The following SIPA1L3 variants were observed in gnomAD, a reference collection of about 807,000 sequenced individuals.
SIPA1L3 encodes signal induced proliferation associated 1 like 3.
Under a neutral mutation model 150.1 loss-of-function variants are expected in SIPA1L3, and 59 were observed. The ratio of observed to expected loss-of-function variants is 0.39; its 90% CI spans 0.32 to 0.49. The LOEUF (loss-of-function observed/expected upper bound fraction) is 0.49, where lower values mean the gene tolerates loss of function less well. Ranked by LOEUF, SIPA1L3 falls within the 20% of genes least tolerant of loss-of-function variation. The pLI is 0.86. For missense variants in SIPA1L3, 2,211 were observed against 2,489.5 expected (o/e 0.89, Z 2.38); for synonymous variants, 1,070 against 1,077.6 (o/e 0.99, Z 0.14).
chr19:38,151,753 A>G (rs1600140457), intron 12 of SIPA1L3, among the ~76,000 whole-genome samples: 1 of 152,118 alleles, frequency 6.6e-6, no homozygotes, highest in African/African-American at 2.4e-5. Flanking sequence ...GCTTGGGCCC[A>G]GGAGTTCAAG....
At position 38,082,109 on chromosome 19, in the gene SIPA1L3, G is replaced by A. The variant is rs754475504; in HGVS notation, c.544G>A (p.Glu182Lys). ...GATCACCCTCAGCGAGTGTGACGCG[G>A]AGGACGCGGGGGAGCCGCGGGGGGC... ...SEITLSECDA[E>K]DAGEPRGARH... Residue 182 changes from glutamate (E) to lysine (K), a missense_variant, in exon 3 of 22, where the codon GAG becomes AAG. Physicochemically the swap from Glu to Lys is moderately conservative, Grantham distance 56 (BLOSUM62 1). Coordinates refer to ENST00000222345, the MANE Select transcript of SIPA1L3 (RefSeq NM_015073.3). 1.2e-5 allele frequency: 20 copies of A among 1,608,448 alleles called. 1 individual carries two copies. In the South Asian group the frequency reaches 2.2e-4, roughly 18 times the overall value.
At chr19:37,929,493 CA>C (rs2046534241) in intron 1 of SIPA1L3, among the ~76,000 whole-genome samples, 1 of 152,330 alleles carries the variant, frequency 6.6e-6, no homozygotes, top group African/African-American at 2.4e-5. Flanking sequence ...CCCAGTACCA[CA>C]AGAACTCTGA....
intron 1 of SIPA1L3, among the ~76,000 whole-genome samples, chr19:37,979,352 C>T (rs1445676816): frequency 1.3e-5 from 2 of 151,754 alleles, no homozygotes; most frequent in Admixed American, 6.6e-5. Flanking sequence ...AGTTTGAGAC[C>T]AGCCTGGCCA....
intron 17 of SIPA1L3, among the ~76,000 whole-genome samples, chr19:38,193,157 T>G (rs1972840450): frequency 6.6e-6 from 1 of 151,658 alleles, no homozygotes; most frequent in Non-Finnish European, 1.5e-5. Flanking sequence ...TCCTGGGCAA[T>G]GTAATGAGAC....
intron 10 of SIPA1L3, 53 bp downstream of exon 10, chr19:38,130,825 G>A: frequency 1.3e-6 from 2 of 1,551,280 alleles, no homozygotes; most frequent in Non-Finnish European, 1.8e-6. Flanking sequence ...CCAGATCGCT[G>A]GCATGAGGCC....
intron 19 of SIPA1L3, chr19:38,200,312 CT>C (rs1215099381): frequency 1.3e-5 from 2 of 152,152 alleles, no homozygotes; most frequent in Non-Finnish European, 2.9e-5. Flanking sequence ...CCCAGTAGTT[CT>C]AGGCTGGAGT....
chr19:38,025,056 G>A (rs1254196728), intron 1 of SIPA1L3, among the ~76,000 whole-genome samples: 2 of 152,096 alleles, frequency 1.3e-5, no homozygotes, highest in African/African-American at 2.4e-5. Flanking sequence ...ACCCTCAGGT[G>A]GCAAAGAAGT....
chr19:38,143,829 G>A (rs1316100238), intron 12 of SIPA1L3, among the ~76,000 whole-genome samples: 4 of 151,994 alleles, frequency 2.6e-5, no homozygotes, highest in Non-Finnish European at 5.9e-5. Context: ...GTGAGCCCGT[G>A]CACCTGGCCA....
intron 1 of SIPA1L3, among the ~76,000 whole-genome samples, chr19:37,963,049 T>C (rs554399011): frequency 6.6e-6 from 1 of 152,382 alleles, no homozygotes; most frequent in East Asian, 1.9e-4. Context: ...AGTGGTCAGA[T>C]TAAAGGTTGT....
At chr19:38,115,852 T>C (rs1970869653) in intron 8 of SIPA1L3, among the ~76,000 whole-genome samples, 1 of 152,162 alleles carries the variant, frequency 6.6e-6, no homozygotes, top group African/African-American at 2.4e-5. Context: ...ATTTGGTATG[T>C]CCCTTCTCCT....
chr19:38,013,165 C>T (rs946242126), intron 1 of SIPA1L3, among the ~76,000 whole-genome samples: 1 of 152,194 alleles, frequency 6.6e-6, no homozygotes, highest in Non-Finnish European at 1.5e-5. Context: ...AGGTGCTGGG[C>T]CAGGCCACTT....
intron 15 of SIPA1L3, among the ~76,000 whole-genome samples, chr19:38,180,664 C>G (rs1436820417): frequency 6.6e-6 from 1 of 151,830 alleles, no homozygotes; most frequent in African/African-American, 2.4e-5. Context: ...CTGCTTCAGC[C>G]TCCCAAGTAA....
At chr19:38,124,920 C>A (rs1348750836) in intron 9 of SIPA1L3, among the ~76,000 whole-genome samples, 1 of 151,418 alleles carries the variant, frequency 6.6e-6, no homozygotes, top group Admixed American at 6.6e-5. Flanking sequence ...GAGAATCAGG[C>A]AGGGAGGTTG....
chr19:38,102,917 G>A (rs1970539262), intron 6 of SIPA1L3, among the ~76,000 whole-genome samples: 2 of 152,062 alleles, frequency 1.3e-5, no homozygotes, highest in African/African-American at 4.8e-5. Context: ...CTGAGGTCAG[G>A]AGTTCGAGAC....
At chr19:37,932,309 C>T (rs879465517) in intron 1 of SIPA1L3, 9 of 152,210 alleles carry the variant, frequency 5.9e-5, no homozygotes, top group Non-Finnish European at 1.0e-4. Context: ...CTTTCAAGCC[C>T]ATTCAGACTC....
chr19:37,939,238 A>T (rs2046629771), intron 1 of SIPA1L3, among the ~76,000 whole-genome samples: 1 of 151,882 alleles, frequency 6.6e-6, no homozygotes, highest in African/African-American at 2.4e-5. Context: ...ATCTGTTAGG[A>T]TTAGTTTCAA....
chr19:38,028,353 A>G lies in SIPA1L3; in HGVS notation c.-378-736A>G, dbSNP rs193229809. On this transcript the variant is annotated intron_variant, in intron 1 of 21. Transcript: ENST00000222345. ...CCCTCACTCACCCCGTGCCAGCTCC[A>G]TGGGCCTCCTGACTGCTCCTGAGAT... is the stretch of plus-strand genomic sequence containing the variant. 1.4e-4 allele frequency among the ~76,000 whole-genome samples: 21 copies of G among 152,082 alleles called. No individual in the cohort carries two copies. In the East Asian group the frequency reaches 1.5e-3, roughly 11 times the overall value.
At chr19:38,141,905 C>T (rs778116434) in intron 11 of SIPA1L3, among the ~76,000 whole-genome samples, 15 of 152,124 alleles carry the variant, frequency 9.9e-5, no homozygotes, top group Non-Finnish European at 1.8e-4. Flanking sequence ...TGGCTTGAGC[C>T]CAGAAGTTGG....
chr19:38,073,666 G>A (rs1470471249), intron 2 of SIPA1L3, among the ~76,000 whole-genome samples: 1 of 152,198 alleles, frequency 6.6e-6, no homozygotes, highest in East Asian at 1.9e-4. Context: ...CGAGGCCAGA[G>A]GAGCAATCTT....
Sources: allele counts gnomAD v4.1 joint callset (sites outside exome capture counted in the v4.1 genomes callset), GRCh38; gene constraint gnomAD v4.1.1; transcripts MANE v1.5; gene names NCBI Gene and HGNC (gene_info 2026-07-23, HGNC 2026-07-21).